The following ANK2 variants were observed in gnomAD, a reference collection of about 807,000 sequenced individuals.
ANK2 encodes ankyrin-2.
Under a neutral mutation model 360.5 loss-of-function variants are expected in ANK2, and 83 were observed. The ratio of observed to expected loss-of-function variants is 0.23; its 90% CI spans 0.19 to 0.28. The LOEUF is 0.28. Ranked by LOEUF, ANK2 falls within the 10% of genes least tolerant of loss-of-function variation. ANK2 has a pLI of 1.00. For synonymous variants in ANK2, 1,740 were observed against 1,759.5 expected, an observed-to-expected ratio of 0.99 and a Z score of 0.28; for missense variants, 4,201 against 4,795.7, an observed-to-expected ratio of 0.88 and a Z score of 3.66.
At chr4:112,847,245 G>A (rs1026924510) in intron 1 of ANK2, among the ~76,000 whole-genome samples, 1 of 152,092 alleles carries the variant, frequency 6.6e-6, no homozygotes, top group Non-Finnish European at 1.5e-5. Flanking sequence ...TGCAAACTCA[G>A]CATGTCAAAA....
At chr4:113,286,183 A>G (rs928861791) in intron 18 of ANK2, among the ~76,000 whole-genome samples, 4 of 152,268 alleles carry the variant, frequency 2.6e-5, no homozygotes, top group African/African-American at 9.6e-5. Flanking sequence ...CTCTGTAAAG[A>G]GAAATATTCT....
At chr4:113,295,009 A>C (rs565445684) in intron 22 of ANK2, among the ~76,000 whole-genome samples, 1 of 152,334 alleles carries the variant, frequency 6.6e-6, no homozygotes. Flanking sequence ...CTGTTCTGCC[A>C]TTAGAAGTCA....
intron 17 of ANK2, among the ~76,000 whole-genome samples, chr4:113,281,928 T>A (rs898566847): frequency 2.0e-5 from 3 of 152,126 alleles, no homozygotes; most frequent in African/African-American, 7.2e-5. Flanking sequence ...ATAAGCTAAT[T>A]TTGTTGTTGA....
intron 1 of ANK2, among the ~76,000 whole-genome samples, chr4:112,830,175 T>C (rs886177565): frequency 2.0e-5 from 3 of 152,140 alleles, no homozygotes; most frequent in Non-Finnish European, 4.4e-5. Flanking sequence ...ACATAAATTG[T>C]TCTACCATAA....
intron 1 of ANK2, among the ~76,000 whole-genome samples, chr4:113,172,883 G>C (rs2098036089): frequency 6.6e-6 from 1 of 152,164 alleles, no homozygotes; most frequent in Admixed American, 6.6e-5. Flanking sequence ...TTGGAATTTA[G>C]CATATGCTGC....
At chr4:113,083,637 T>G (rs1212019937) in intron 1 of ANK2, among the ~76,000 whole-genome samples, 3 of 152,216 alleles carry the variant, frequency 2.0e-5, no homozygotes, top group African/African-American at 7.2e-5. Flanking sequence ...TTAAGCCCTC[T>G]GAGCCAATCA....
intron 4 of ANK2, among the ~76,000 whole-genome samples, chr4:113,212,179 T>TAA (rs2099030625): frequency 6.6e-6 from 1 of 152,244 alleles, no homozygotes; most frequent in South Asian, 2.1e-4. Flanking sequence ...CAAACTTTGA[T>TAA]TAATTACATA....
intron 1 of ANK2, among the ~76,000 whole-genome samples, chr4:113,063,951 AAAT>A (rs1308226441): frequency 6.6e-6 from 1 of 152,186 alleles, no homozygotes. Context: ...GCTGATTTTA[AAAT>A]AATGTTTTAT....
At chr4:113,229,382 C>T (rs2099264960) in intron 4 of ANK2, among the ~76,000 whole-genome samples, 1 of 152,174 alleles carries the variant, frequency 6.6e-6, no homozygotes, top group Non-Finnish European at 1.5e-5. Flanking sequence ...TCCTCTTTGC[C>T]TTCTGTCTTG....
chr4:112,728,572 A>G, the ANK2 span, among the ~76,000 whole-genome samples: 1 of 151,720 alleles, frequency 6.6e-6, no homozygotes, highest in Non-Finnish European at 1.5e-5. Flanking sequence ...GCAAAATGGC[A>G]AAACCCTGTC....
intron 9 of ANK2, among the ~76,000 whole-genome samples, chr4:113,244,986 G>A (rs368256893): frequency 6.9e-4 from 105 of 152,226 alleles, no homozygotes; most frequent in Non-Finnish European, 1.1e-3. Flanking sequence ...TGGTGTATAC[G>A]TGCCACATTT....
intron 1 of ANK2, chr4:112,881,595 G>A (rs2076709627): frequency 9.6e-6 from 3 of 313,092 alleles, no homozygotes; most frequent in Admixed American, 4.7e-5. Context: ...GCAATCAACA[G>A]CATGGGTGCA....
the ANK2 span, among the ~76,000 whole-genome samples, chr4:112,720,788 G>A: frequency 6.6e-6 from 1 of 152,130 alleles, no homozygotes; most frequent in Non-Finnish European, 1.5e-5. Flanking sequence ...ACTGTGTAAC[G>A]TATAACTCAA....
At chr4:113,233,378 G>T (rs983489231) in intron 5 of ANK2, among the ~76,000 whole-genome samples, 14 of 151,132 alleles carry the variant, frequency 9.3e-5, no homozygotes, top group Non-Finnish European at 1.9e-4. Flanking sequence ...CTCGTGATCC[G>T]CCCGCCTCGG....
At chr4:113,329,587 C>G (rs577778726) in intron 26 of ANK2, among the ~76,000 whole-genome samples, 1 of 152,290 alleles carries the variant, frequency 6.6e-6, no homozygotes, top group East Asian at 1.9e-4. Context: ...GGCGGGCCTA[C>G]TTGTTCCCTA....
chr4:112,974,884 C>G (rs568649941), intron 2 of ANK2, among the ~76,000 whole-genome samples: 1 of 150,840 alleles, frequency 6.6e-6, no homozygotes, highest in East Asian at 1.9e-4. Context: ...TGGCCTATGC[C>G]TGCTTGAAAG....
intron 1 of ANK2, among the ~76,000 whole-genome samples, chr4:112,829,136 G>A (rs1187492649): frequency 6.6e-6 from 1 of 152,162 alleles, no homozygotes; most frequent in African/African-American, 2.4e-5. Context: ...CTGGGTGACA[G>A]AGCAGGACTC....
the ANK2 span, among the ~76,000 whole-genome samples, chr4:112,789,402 G>A: frequency 6.6e-6 from 1 of 152,154 alleles, no homozygotes; most frequent in Non-Finnish European, 1.5e-5. Flanking sequence ...TAGACGAAGA[G>A]GGCACAGGAC....
intron 1 of ANK2, among the ~76,000 whole-genome samples, chr4:113,090,830 A>C (rs2087597228): frequency 6.6e-6 from 1 of 152,236 alleles, no homozygotes; most frequent in Non-Finnish European, 1.5e-5. Context: ...GACGAGGCAC[A>C]TGCAACCTGG....
Sources: gnomAD v4.1 joint callset for allele counts (sites outside exome capture counted in the v4.1 genomes callset) on GRCh38, gnomAD v4.1.1 for gene constraint, MANE v1.5 for transcripts, NCBI Gene and HGNC (gene_info 2026-07-23, HGNC 2026-07-21) for gene names.